ADAMTS17: variants seen among roughly 807,000 people sequenced by gnomAD.
ADAMTS17 encodes A disintegrin and metalloproteinase with thrombospondin motifs 17.
In ADAMTS17, 113 loss-of-function variants were observed where a neutral mutation model predicts 141.5. That is an observed-to-expected ratio of 0.80 (90% CI 0.69 to 0.93). The LOEUF (loss-of-function observed/expected upper bound fraction) is 0.93, where lower values mean the gene tolerates loss of function less well. Among genes scored for constraint, ADAMTS17 ranks in the 40% least tolerant of loss-of-function variants. The pLI, the probability that ADAMTS17 is intolerant of heterozygous loss-of-function variation, is 0.00. For synonymous variants in ADAMTS17, 768 were observed against 630.6 expected (o/e 1.22, Z -3.27); for missense variants, 1,659 against 1,517.9 (o/e 1.09, Z -1.54).
At chr15:100,197,354 T>C (rs1010182477) in intron 8 of ADAMTS17, among the ~76,000 whole-genome samples, 4 of 152,234 alleles carry the variant, frequency 2.6e-5, no homozygotes, top group Non-Finnish European at 5.9e-5. Context: ...TGGTAAGTAC[T>C]CTGACATCCT....
chr15:100,328,285 C>G (rs942167147), intron 3 of ADAMTS17, among the ~76,000 whole-genome samples: 1 of 152,186 alleles, frequency 6.6e-6, no homozygotes, highest in Non-Finnish European at 1.5e-5. Flanking sequence ...GAAAGCTAAT[C>G]CAAACTAGAT....
chr15:100,116,142 A>AC (rs1034728079), intron 13 of ADAMTS17, among the ~76,000 whole-genome samples: 5 of 150,206 alleles, frequency 3.3e-5, no homozygotes, highest in African/African-American at 9.9e-5. Flanking sequence ...TAAAAAAAAA[A>AC]AAAAAAAAAA....
intron 18 of ADAMTS17, among the ~76,000 whole-genome samples, chr15:100,033,614 T>C (rs767371003): frequency 6.6e-6 from 1 of 152,196 alleles, no homozygotes; most frequent in African/African-American, 2.4e-5. Context: ...TTCTTTACCA[T>C]GCTCCCGTTT....
rs562693377 is a variant in ADAMTS17 at position 100,293,995 on chromosome 15, C to T, written c.617-12594G>A. ...ATCTGACAGAGCTGGTTAGAATCTG[C>T]CCATGGACTTCCAGGGTGACAGTGG... On this transcript the variant is annotated intron_variant, in intron 3 of 21. Transcript: ENST00000268070. Among the ~76,000 whole-genome samples the T allele has an allele frequency of 5.9e-5, 9 of 152,260 alleles. No homozygotes were observed. The South Asian group carries it at 1.7e-3, about 28-fold the overall frequency.
intron 13 of ADAMTS17, among the ~76,000 whole-genome samples, chr15:100,116,292 G>A (rs776023315): frequency 6.6e-6 from 1 of 152,074 alleles, no homozygotes; most frequent in Non-Finnish European, 1.5e-5. Flanking sequence ...GTGGCCCGAT[G>A]GGGCAGAGCC....
At chr15:100,221,748 G>A (rs1018594836) in intron 7 of ADAMTS17, among the ~76,000 whole-genome samples, 2 of 152,180 alleles carry the variant, frequency 1.3e-5, no homozygotes, top group Non-Finnish European at 2.9e-5. Context: ...CAGGTTTGCC[G>A]GGTGGTCTGA....
intron 8 of ADAMTS17, among the ~76,000 whole-genome samples, chr15:100,155,847 T>C (rs1308552084): frequency 2.0e-5 from 3 of 152,208 alleles, no homozygotes; most frequent in Admixed American, 6.5e-5. Context: ...TCACCTTCCC[T>C]ATTCAGCTAT....
intron 8 of ADAMTS17, among the ~76,000 whole-genome samples, chr15:100,187,089 C>T (rs934266212): frequency 9.9e-5 from 15 of 152,180 alleles, no homozygotes; most frequent in African/African-American, 3.6e-4. Context: ...GACCTCTCCT[C>T]ACCTCCTCCA....
chr15:100,063,679 C>G, intron 15 of ADAMTS17: 2 of 1,289,824 alleles, frequency 1.6e-6, no homozygotes, highest in Non-Finnish European at 2.0e-6. Flanking sequence ...TGTGTTTTAC[C>G]CAGAAAGCTG....
In ADAMTS17 at chr15:100,072,058, T is replaced by C. The variant is rs150208100; in HGVS notation, c.2138-18004A>G. ...GAGCTGATAGGCAACTTCCGCAAAGTCTGAGGATACAAAATCAATGTGCAA... is the reference window on the plus strand; with the variant it reads ...GAGCTGATAGGCAACTTCCGCAAAGCCTGAGGATACAAAATCAATGTGCAA... On this transcript the variant is annotated intron_variant, in intron 15 of 21. Coordinates refer to ENST00000268070, the MANE Select transcript of ADAMTS17 (RefSeq NM_139057.4). 7.4e-5 allele frequency among the ~76,000 whole-genome samples: 11 copies of C among 149,102 alleles called. No homozygotes were observed. The East Asian group carries it at 1.9e-3, about 26-fold the overall frequency.
intron 7 of ADAMTS17, among the ~76,000 whole-genome samples, chr15:100,202,062 G>A (rs571196742): frequency 2.0e-5 from 3 of 152,312 alleles, no homozygotes; most frequent in African/African-American, 7.2e-5. Context: ...TGAGGGGGAA[G>A]GGAGACATAA....
intron 3 of ADAMTS17, among the ~76,000 whole-genome samples, chr15:100,329,168 G>T (rs760541273): frequency 6.6e-6 from 1 of 152,108 alleles, no homozygotes; most frequent in Non-Finnish European, 1.5e-5. Flanking sequence ...AACCACTGCC[G>T]TAGAGAAATC....
At chr15:100,332,007 C>A (rs978824109) in intron 2 of ADAMTS17, among the ~76,000 whole-genome samples, 8 of 152,156 alleles carry the variant, frequency 5.3e-5, no homozygotes, top group Admixed American at 2.6e-4. Context: ...AAGGATGCAC[C>A]AGTACCAAGA....
chr15:100,256,576 A>T (rs1366201809), intron 6 of ADAMTS17: 9 of 152,250 alleles, frequency 5.9e-5, no homozygotes, highest in Non-Finnish European at 1.0e-4. Context: ...CACCACGCGC[A>T]AAGCCTGGCA....
intron 18 of ADAMTS17, among the ~76,000 whole-genome samples, chr15:100,034,242 A>G (rs1476688962): frequency 6.6e-6 from 1 of 152,266 alleles, no homozygotes; most frequent in Non-Finnish European, 1.5e-5. Flanking sequence ...ACACAGTGGC[A>G]CACCAACAGT....
At chr15:100,217,952 C>T (rs1293465901) in intron 7 of ADAMTS17, among the ~76,000 whole-genome samples, 1 of 152,216 alleles carries the variant, frequency 6.6e-6, no homozygotes, top group African/African-American at 2.4e-5. Flanking sequence ...ACAATCAGTG[C>T]TCACTGCCGC....
At chr15:100,292,242 C>G (rs531619504) in intron 3 of ADAMTS17, among the ~76,000 whole-genome samples, 8 of 145,276 alleles carry the variant, frequency 5.5e-5, no homozygotes, top group Non-Finnish European at 7.6e-5. Context: ...GAGACGCTCA[C>G]CCCGTGAGAA....
At chr15:100,089,490 C>G in intron 15 of ADAMTS17, among the ~76,000 whole-genome samples, 1 of 150,682 alleles carries the variant, frequency 6.6e-6, no homozygotes. Flanking sequence ...GGGTATATAC[C>G]CAAAGGATTA....
intron 15 of ADAMTS17, among the ~76,000 whole-genome samples, chr15:100,062,626 A>T (rs2033209441): frequency 6.6e-6 from 1 of 152,242 alleles, no homozygotes; most frequent in African/African-American, 2.4e-5. Context: ...ATGTCATTTT[A>T]AAAAATCAGT....
Sources: allele counts gnomAD v4.1 joint callset (sites outside exome capture counted in the v4.1 genomes callset), GRCh38; gene constraint gnomAD v4.1.1; transcripts MANE v1.5; gene names NCBI Gene and HGNC (gene_info 2026-07-23, HGNC 2026-07-21).